The following LRRC4C variants were observed in gnomAD, a reference collection of about 807,000 sequenced individuals.
LRRC4C encodes the protein leucine rich repeat containing 4C, also known as leucine-rich repeat-containing protein 4C.
Under a neutral mutation model 33.6 loss-of-function variants are expected in LRRC4C, and 5 were observed. The observed-to-expected ratio is 0.15, with a 90% CI of 0.08 to 0.31. The LOEUF (loss-of-function observed/expected upper bound fraction) is 0.31. Among genes scored for constraint, LRRC4C ranks in the 10% least tolerant of loss-of-function variants. LRRC4C has a pLI of 1.00. For missense variants in LRRC4C, 560 were observed against 796.7 expected (o/e 0.70, Z 3.58); for synonymous variants, 329 against 302.0 (o/e 1.09, Z -0.93).
At chr11:40,811,791 C>T (rs776840510) in intron 2 of LRRC4C, among the ~76,000 whole-genome samples, 23 of 152,180 alleles carry the variant, frequency 1.5e-4, no homozygotes, top group Non-Finnish European at 2.1e-4. Context: ...CCATCACACC[C>T]GGCCAAATGG....
chr11:40,434,962 T>C (rs145385627), intron 3 of LRRC4C, among the ~76,000 whole-genome samples: 1 of 152,296 alleles, frequency 6.6e-6, no homozygotes, highest in African/African-American at 2.4e-5. Context: ...AGTTGACCAC[T>C]AACCTATTTT....
intron 3 of LRRC4C, among the ~76,000 whole-genome samples, chr11:40,388,685 C>T (rs528347855): frequency 1.3e-5 from 2 of 152,320 alleles, no homozygotes; most frequent in African/African-American, 4.8e-5. Flanking sequence ...TCATGGTAAT[C>T]TGCTAACTGA....
intron 2 of LRRC4C, among the ~76,000 whole-genome samples, chr11:40,664,284 C>A (rs200461764): frequency 6.6e-6 from 1 of 152,044 alleles, no homozygotes; most frequent in Non-Finnish European, 1.5e-5. Flanking sequence ...GTGGCTCATG[C>A]CTATAATCCT....
At chr11:41,398,619 G>A (rs1414702719) in intron 1 of LRRC4C, among the ~76,000 whole-genome samples, 2 of 151,860 alleles carry the variant, frequency 1.3e-5, no homozygotes, top group Non-Finnish European at 2.9e-5. Context: ...CAGCTTCCTA[G>A]TTTGATCTTG....
intron 1 of LRRC4C, among the ~76,000 whole-genome samples, chr11:41,361,847 G>A (rs541622114): frequency 1.4e-4 from 22 of 151,918 alleles, no homozygotes; most frequent in African/African-American, 5.1e-4. Context: ...CTTTGTTCTG[G>A]TCTATATCCA....
At chr11:40,729,439 T>C (rs1444832500) in intron 2 of LRRC4C, among the ~76,000 whole-genome samples, 1 of 152,186 alleles carries the variant, frequency 6.6e-6, no homozygotes, top group East Asian at 1.9e-4. Context: ...ATCCAGACCC[T>C]TTTGACTCCT....
chr11:40,841,677 A>T (rs1488986763), intron 2 of LRRC4C, among the ~76,000 whole-genome samples: 1 of 152,130 alleles, frequency 6.6e-6, no homozygotes, highest in African/African-American at 2.4e-5. Flanking sequence ...TGTTTATGTT[A>T]CCCTGTCTGT....
chr11:40,709,305 G>A (rs12577521), intron 2 of LRRC4C, among the ~76,000 whole-genome samples: 19,268 of 152,094 alleles, frequency 0.13, 1,674 homozygotes, highest in East Asian at 0.43. Flanking sequence ...AGCATCCATG[G>A]TCTTTACAAT....
In LRRC4C at chr11:40,251,519, C is replaced by T. The variant is rs896891930; in HGVS notation, c.-175-9921G>A. Among the ~76,000 whole-genome samples, 24 of 152,186 alleles carry T rather than the reference C, an allele frequency of 1.6e-4. 1 individual carries two copies. Among genetic ancestry groups the T allele is most frequent in the Middle Eastern group, 3.4e-3 (1 of 294 alleles). ...CCTGACTCTTCCCCCAGCCTCATGC[C>T]CCAAAGCCTGGCTCGAAGGAAAATA... is the stretch of plus-strand genomic sequence containing the variant. On this transcript the variant is annotated intron_variant, in intron 4 of 6. Transcript: ENST00000528697.
intron 1 of LRRC4C, among the ~76,000 whole-genome samples, chr11:41,267,813 G>A (rs941682332): frequency 1.3e-5 from 2 of 151,968 alleles, no homozygotes; most frequent in African/African-American, 2.4e-5. Flanking sequence ...CACCATCATC[G>A]AACCGTAAGG....
At chr11:40,923,009 G>C (rs1007056095) in intron 2 of LRRC4C, among the ~76,000 whole-genome samples, 1 of 152,094 alleles carries the variant, frequency 6.6e-6, no homozygotes, top group African/African-American at 2.4e-5. Flanking sequence ...ATTTTTAGTA[G>C]AGACAGGGTT....
At chr11:40,998,671 C>T (rs538430768) in intron 1 of LRRC4C, among the ~76,000 whole-genome samples, 105 of 152,240 alleles carry the variant, frequency 6.9e-4, no homozygotes, top group Non-Finnish European at 1.3e-3. Flanking sequence ...CATTCAAATT[C>T]TATCAGCTTT....
chr11:40,735,426 C>T (rs1466923157), intron 2 of LRRC4C, among the ~76,000 whole-genome samples: 1 of 142,826 alleles, frequency 7.0e-6, no homozygotes, highest in South Asian at 2.3e-4. Context: ...GTTTTTTGTC[C>T]TTCCGATAGT....
intron 3 of LRRC4C, among the ~76,000 whole-genome samples, chr11:40,625,085 T>C (rs2135975244): frequency 6.6e-6 from 1 of 152,294 alleles, no homozygotes; most frequent in East Asian, 1.9e-4. Context: ...TGCCTTCTTC[T>C]GCAGATATGA....
At chr11:40,233,950 T>C (rs1289446025) in intron 5 of LRRC4C, among the ~76,000 whole-genome samples, 1 of 152,156 alleles carries the variant, frequency 6.6e-6, no homozygotes, top group Non-Finnish European at 1.5e-5. Context: ...TTTATACTCT[T>C]ATTTAAGCCT....
At chr11:41,214,521 G>A (rs1373956528) in intron 1 of LRRC4C, among the ~76,000 whole-genome samples, 6 of 146,714 alleles carry the variant, frequency 4.1e-5, no homozygotes, top group African/African-American at 1.0e-4. Flanking sequence ...CACGAGGTCA[G>A]GAGATCGAGA....
At chr11:41,062,482 C>T (rs1937858764) in intron 1 of LRRC4C, among the ~76,000 whole-genome samples, 1 of 152,184 alleles carries the variant, frequency 6.6e-6, no homozygotes, top group African/African-American at 2.4e-5. Flanking sequence ...TGCACTCTTT[C>T]TTTGCTGCTT....
At chr11:40,286,766 G>C (rs1291049143) in intron 4 of LRRC4C, among the ~76,000 whole-genome samples, 2 of 152,092 alleles carry the variant, frequency 1.3e-5, no homozygotes, top group Non-Finnish European at 2.9e-5. Flanking sequence ...GGAAACCGAG[G>C]ATTAACAAGG....
At chr11:40,519,373 T>C (rs763662282) in intron 3 of LRRC4C, among the ~76,000 whole-genome samples, 2 of 152,196 alleles carry the variant, frequency 1.3e-5, no homozygotes, top group African/African-American at 2.4e-5. Flanking sequence ...TATTAAAATG[T>C]AATGTTTCAT....
Sources: allele counts gnomAD v4.1 joint callset (sites outside exome capture counted in the v4.1 genomes callset), GRCh38; gene constraint gnomAD v4.1.1; transcripts MANE v1.5; gene names NCBI Gene and HGNC (gene_info 2026-07-23, HGNC 2026-07-21).